PICALM: variants seen among roughly 807,000 people sequenced by gnomAD.
PICALM encodes the protein phosphatidylinositol binding clathrin assembly protein, also known as phosphatidylinositol-binding clathrin assembly protein.
In PICALM, 40 loss-of-function variants were observed where a neutral mutation model predicts 80.5. That is an observed-to-expected ratio of 0.50 (90% CI 0.39 to 0.65). The LOEUF (loss-of-function observed/expected upper bound fraction) is 0.65, where lower values mean the gene tolerates loss of function less well. Ranked by LOEUF, PICALM falls within the 30% of genes least tolerant of loss-of-function variation. The pLI is 0.00. For synonymous variants in PICALM, 288 were observed against 260.3 expected, an observed-to-expected ratio of 1.11 and a Z score of -1.02; for missense variants, 676 against 778.9, an observed-to-expected ratio of 0.87 and a Z score of 1.57.
intron 17 of PICALM, chr11:85,977,126 C>CA (rs1193626441): frequency 6.5e-6 from 1 of 153,296 alleles, no homozygotes; most frequent in Non-Finnish European, 1.5e-5. Context: ...GATCTCAAAT[C>CA]AATCAATAAC....
At chr11:86,020,774 G>A (rs1222158998) in intron 4 of PICALM, among the ~76,000 whole-genome samples, 2 of 152,078 alleles carry the variant, frequency 1.3e-5, no homozygotes, top group Admixed American at 1.3e-4. Flanking sequence ...AAAAATACAA[G>A]ATTCTTAGAA....
chr11:86,008,520 T>C (rs947417541), intron 7 of PICALM, among the ~76,000 whole-genome samples: 3 of 151,916 alleles, frequency 2.0e-5, no homozygotes, highest in Middle Eastern at 3.4e-3. Flanking sequence ...CTCAGCAGGC[T>C]GAAGCAGGAG....
chr11:86,016,019 T>C (rs527879506), intron 4 of PICALM, among the ~76,000 whole-genome samples: 36 of 152,348 alleles, frequency 2.4e-4, no homozygotes, highest in African/African-American at 8.7e-4. Flanking sequence ...CCCTAATGTG[T>C]TAACTTATGG....
chr11:86,020,424 GAAAAA>G (rs34312370), intron 4 of PICALM, among the ~76,000 whole-genome samples: 26 of 94,248 alleles, frequency 2.8e-4, no homozygotes, highest in Admixed American at 1.2e-3. Context: ...ACAATCTTGG[GAAAAA>G]AAAAAAAAAA....
intron 1 of PICALM, among the ~76,000 whole-genome samples, chr11:86,037,191 G>T (rs1202532169): frequency 2.1e-5 from 3 of 145,988 alleles, no homozygotes; most frequent in Non-Finnish European, 4.5e-5. Flanking sequence ...TGATCTACCC[G>T]CTTCGGCCTC....
rs59672357 is a variant in PICALM at position 85,982,423 on chromosome 11, C to CTTTTTTTTT, written c.1517-429_1517-421dup. Among the ~76,000 whole-genome samples, 11 of 70,172 alleles carry CTTTTTTTTT rather than the reference C, an allele frequency of 1.6e-4. 1 individual carries two copies. Among genetic ancestry groups the CTTTTTTTTT allele is most frequent in the South Asian group, 5.0e-4 (1 of 2,010 alleles). The allele number at this position is 70,172 out of a possible 152,430, so 46.0% of individuals were successfully genotyped here. The stretch of plus-strand genomic sequence containing the variant: ...ACGTTAAGAAATAAGATTTTATAGA[C>CTTTTTTTTT]TTTTTTTTTTTTTTTGAGACGGAGT... On this transcript the variant is annotated intron_variant, in intron 14 of 19. Transcript: ENST00000393346.
chr11:86,062,000 AG>A (rs780123006), intron 1 of PICALM, among the ~76,000 whole-genome samples: 1 of 152,246 alleles, frequency 6.6e-6, no homozygotes, highest in Non-Finnish European at 1.5e-5. Context: ...ACGTGAAAAA[AG>A]AAAATCTGAA....
rs760284604 is a variant in PICALM at position 86,068,632 on chromosome 11, C to G, written c.130+19G>C. On this transcript the variant is annotated intron_variant, in intron 1 of 19. Transcript: ENST00000393346. Reference sequence around the variant, plus strand: ...CGCGCGGGCGCCGGGGAGCGGGGGCCGCGGTCGGCTTCACTCACAGTCCAG... The same window carrying G: ...CGCGCGGGCGCCGGGGAGCGGGGGCGGCGGTCGGCTTCACTCACAGTCCAG... 6.3e-7 allele frequency: 1 copy of G among 1,597,046 alleles called. No individual in the cohort carries two copies. The highest frequency in any genetic ancestry group is 8.5e-7 in the Non-Finnish European group (1 of 1,173,402).
chr11:86,006,493 G>T (rs999576087), intron 8 of PICALM, among the ~76,000 whole-genome samples: 2 of 151,878 alleles, frequency 1.3e-5, no homozygotes, highest in Admixed American at 6.6e-5. Flanking sequence ...CTAAAAATAC[G>T]AAAATTAGCT....
At chr11:85,982,063 C>G in intron 14 of PICALM, 60 bp from the exon 15 acceptor site, 1 of 1,487,804 alleles carries the variant, frequency 6.7e-7, no homozygotes, top group Non-Finnish European at 9.4e-7. Context: ...CTATGGTTTT[C>G]TAAAGGAGGT....
chr11:85,962,114 A>C (rs541463490), intron 19 of PICALM, among the ~76,000 whole-genome samples: 1 of 152,310 alleles, frequency 6.6e-6, no homozygotes, highest in East Asian at 1.9e-4. Flanking sequence ...TACAGATGGG[A>C]GGACAGAGCA....
intron 2 of PICALM, among the ~76,000 whole-genome samples, chr11:86,027,669 C>T (rs927308024): frequency 1.3e-5 from 2 of 151,922 alleles, no homozygotes; most frequent in Admixed American, 1.3e-4. Flanking sequence ...GGACTACAGG[C>T]ATGTCCAGCT....
intron 7 of PICALM, 96 bp from the exon 8 acceptor site, chr11:86,007,679 TA>T (rs941674571): frequency 7.2e-5 from 29 of 400,382 alleles, no homozygotes; most frequent in Non-Finnish European, 4.4e-6. Flanking sequence ...AGTAATATTT[TA>T]AACAGACTTC....
chr11:86,011,185 C>T (rs1448295458), intron 6 of PICALM, 49 bp from the exon 7 acceptor site: 1 of 791,562 alleles, frequency 1.3e-6, no homozygotes, highest in East Asian at 2.7e-5. Flanking sequence ...AAATATAACA[C>T]CCAAAAAAGG....
intron 3 of PICALM, among the ~76,000 whole-genome samples, chr11:86,022,717 GA>G (rs2095586894): frequency 6.6e-6 from 1 of 151,588 alleles, no homozygotes; most frequent in South Asian, 2.1e-4. Flanking sequence ...TCTTCCCTTA[GA>G]ACTTCACTAT....
intron 1 of PICALM, among the ~76,000 whole-genome samples, chr11:86,059,634 C>T (rs622876): frequency 0.25 from 38,553 of 151,996 alleles, 5,102 homozygotes; most frequent in African/African-American, 0.32. Context: ...TGGTGGCACA[C>T]ACCTGTAGTC....
intron 19 of PICALM, among the ~76,000 whole-genome samples, chr11:85,961,855 CTATTTATTTATTTATT>C (rs34885729): frequency 1.3e-5 from 2 of 149,366 alleles, no homozygotes; most frequent in African/African-American, 4.9e-5. Flanking sequence ...TTCTTTCTAC[CTATTTATTTATTTATT>C]TATTTATTTA....
intron 19 of PICALM, 115 bp from the exon 20 acceptor site, chr11:85,959,175 T>C (rs1363847186): frequency 1.7e-6 from 1 of 589,964 alleles, no homozygotes; most frequent in Non-Finnish European, 3.0e-6. Flanking sequence ...ACAACATGCT[T>C]ATCACAAACC....
At chr11:86,050,499 C>T (rs1480470512) in intron 1 of PICALM, among the ~76,000 whole-genome samples, 2 of 152,144 alleles carry the variant, frequency 1.3e-5, no homozygotes, top group African/African-American at 2.4e-5. Flanking sequence ...CCCCATTCTA[C>T]AATACATATA....
Sources: allele counts gnomAD v4.1 joint callset (sites outside exome capture counted in the v4.1 genomes callset), GRCh38; gene constraint gnomAD v4.1.1; transcripts MANE v1.5; gene names NCBI Gene and HGNC (gene_info 2026-07-23, HGNC 2026-07-21).